Variants in LRFN2 observed in about 807,000 individuals in gnomAD.
LRFN2 encodes leucine rich repeat and fibronectin type III domain containing 2, also known as leucine-rich repeat and fibronectin type-III domain-containing protein 2.
A neutral mutation model predicts 37.3 loss-of-function variants in LRFN2; 18 were observed. That is an observed-to-expected ratio of 0.48 (90% CI 0.33 to 0.72). The LOEUF (loss-of-function observed/expected upper bound fraction) is 0.72, where lower values mean the gene tolerates loss of function less well. Ranked by LOEUF, LRFN2 falls within the 30% of genes least tolerant of loss-of-function variation. LRFN2 has a pLI of 0.02. For missense variants in LRFN2, 1,006 were observed against 1,060.7 expected (o/e 0.95, Z 0.72); for synonymous variants, 556 against 466.6 (o/e 1.19, Z -2.47).
At chr6:40,415,748 C>T (rs778402907) in intron 2 of LRFN2, among the ~76,000 whole-genome samples, 1 of 152,230 alleles carries the variant, frequency 6.6e-6, no homozygotes, top group Non-Finnish European at 1.5e-5. Context: ...TGTAGCTGCC[C>T]TTCCCATGTG....
chr6:40,414,278 A>G (rs889547711), intron 2 of LRFN2, among the ~76,000 whole-genome samples: 5 of 152,108 alleles, frequency 3.3e-5, no homozygotes, highest in Non-Finnish European at 7.4e-5. Flanking sequence ...GCTGAGCACT[A>G]TTGAGGCCTC....
At chr6:40,425,121 C>T (rs1763321895) in intron 2 of LRFN2, among the ~76,000 whole-genome samples, 1 of 152,186 alleles carries the variant, frequency 6.6e-6, no homozygotes, top group Admixed American at 6.5e-5. Context: ...GTCCAGTCTC[C>T]CAGGACAGGA....
chr6:40,518,762 A>T (rs1159362404), intron 1 of LRFN2, among the ~76,000 whole-genome samples: 1 of 152,220 alleles, frequency 6.6e-6, no homozygotes, highest in Non-Finnish European at 1.5e-5. Flanking sequence ...CACTAGGGGC[A>T]TGAAAATGAA....
At chr6:40,571,577 T>G (rs1196303627) in intron 1 of LRFN2, among the ~76,000 whole-genome samples, 1 of 152,128 alleles carries the variant, frequency 6.6e-6, no homozygotes, top group Non-Finnish European at 1.5e-5. Flanking sequence ...ACCTCGAGAT[T>G]CCAGGTGGCG....
chr6:40,418,137 C>T (rs1258525883), intron 2 of LRFN2, among the ~76,000 whole-genome samples: 3 of 152,176 alleles, frequency 2.0e-5, no homozygotes, highest in African/African-American at 7.2e-5. Context: ...TCATTCACTG[C>T]CACTCTTCCT....
chr6:40,462,325 A>G (rs1764365683), intron 1 of LRFN2, among the ~76,000 whole-genome samples: 1 of 152,158 alleles, frequency 6.6e-6, no homozygotes, highest in Non-Finnish European at 1.5e-5. Flanking sequence ...AAATGAAGCT[A>G]CACAAGTCCC....
chr6:40,489,064 T>C (rs1254652475), intron 1 of LRFN2, among the ~76,000 whole-genome samples: 3 of 152,096 alleles, frequency 2.0e-5, no homozygotes, highest in Non-Finnish European at 2.9e-5. Flanking sequence ...CTACAGATAT[T>C]TACCAAACAC....
At chr6:40,407,148 C>G (rs1458696582) in intron 2 of LRFN2, among the ~76,000 whole-genome samples, 1 of 152,222 alleles carries the variant, frequency 6.6e-6, no homozygotes, top group African/African-American at 2.4e-5. Context: ...CCCAGGCAAG[C>G]TCTTGAGCCC....
At chr6:40,568,336 T>C (rs1767126440) in intron 1 of LRFN2, among the ~76,000 whole-genome samples, 1 of 152,198 alleles carries the variant, frequency 6.6e-6, no homozygotes, top group African/African-American at 2.4e-5. Context: ...TGAGTTGGCA[T>C]GCAGGCCTGG....
chr6:40,541,000 G>A (rs535456848), intron 1 of LRFN2, among the ~76,000 whole-genome samples: 1 of 152,344 alleles, frequency 6.6e-6, no homozygotes, highest in South Asian at 2.1e-4. Flanking sequence ...GAGCTATGCT[G>A]TTATGCTGTG....
chr6:40,445,695 T>C (rs779647714), intron 1 of LRFN2, among the ~76,000 whole-genome samples: 98 of 152,150 alleles, frequency 6.4e-4, no homozygotes, highest in Non-Finnish European at 9.9e-4. Flanking sequence ...GCTTAAGAAA[T>C]TGACTTACTG....
chr6:40,465,582 TATTA>T (rs761178642), intron 1 of LRFN2, among the ~76,000 whole-genome samples: 5 of 152,142 alleles, frequency 3.3e-5, no homozygotes, highest in Non-Finnish European at 7.4e-5. Flanking sequence ...CAACATAAGA[TATTA>T]ATTAATTGGA....
Position 40,577,774 on chromosome 6 carries a change from A to T in LRFN2, c.-19+9167T>A, listed in dbSNP as rs78340518. Among the ~76,000 whole-genome samples, 62 of 88,046 alleles carry T rather than the reference A, an allele frequency of 7.0e-4. No individual in the cohort carries two copies. In the East Asian group the frequency reaches 8.7e-3, roughly 12 times the overall value. 57.8% of individuals were successfully genotyped at this position (88,046 alleles called of 152,430 possible). A position where few individuals can be genotyped will look rare whatever the true frequency, so the allele number is the denominator to read the frequency against. Reference sequence around the variant, plus strand: ...TGTACCCTAAAACTTAAAGTATAATAAAAAAAAAAGGAAAAAATAAATAAA... The same window carrying T: ...TGTACCCTAAAACTTAAAGTATAATTAAAAAAAAAGGAAAAAATAAATAAA... On this transcript the variant is annotated intron_variant, in intron 1 of 2. Coordinates refer to ENST00000338305, the MANE Select transcript of LRFN2 (RefSeq NM_020737.3).
intron 2 of LRFN2, among the ~76,000 whole-genome samples, chr6:40,412,805 C>T (rs1274738477): frequency 2.6e-5 from 4 of 152,082 alleles, no homozygotes; most frequent in African/African-American, 9.7e-5. Flanking sequence ...ACAGTAAACA[C>T]AATTGGTAAC....
At chr6:40,464,238 A>G (rs1764409742) in intron 1 of LRFN2, among the ~76,000 whole-genome samples, 1 of 152,212 alleles carries the variant, frequency 6.6e-6, no homozygotes, top group African/African-American at 2.4e-5. Flanking sequence ...GGTGCAAAAC[A>G]TGGCCTAACC....
At chr6:40,520,258 A>G (rs1288855861) in intron 1 of LRFN2, among the ~76,000 whole-genome samples, 1 of 152,124 alleles carries the variant, frequency 6.6e-6, no homozygotes. Flanking sequence ...GGCGTACGGC[A>G]GTGATGAAGG....
At chr6:40,528,724 T>C (rs1008318828) in intron 1 of LRFN2, among the ~76,000 whole-genome samples, 15 of 152,198 alleles carry the variant, frequency 9.9e-5, no homozygotes, top group African/African-American at 3.6e-4. Context: ...CTAATTGCCT[T>C]CGCATCATTG....
chr6:40,498,770 G>T (rs936305865), intron 1 of LRFN2, among the ~76,000 whole-genome samples: 6 of 152,152 alleles, frequency 3.9e-5, no homozygotes, highest in Middle Eastern at 3.2e-3. Context: ...ACATTCTGGG[G>T]CACCATCCAC....
At chr6:40,582,288 G>A (rs1159795390) in intron 1 of LRFN2, among the ~76,000 whole-genome samples, 2 of 151,950 alleles carry the variant, frequency 1.3e-5, no homozygotes, top group Admixed American at 6.6e-5. Context: ...CTTAGCTCCT[G>A]CTGGTGGGTG....
Sources: gnomAD v4.1 joint callset for allele counts (sites outside exome capture counted in the v4.1 genomes callset) on GRCh38, gnomAD v4.1.1 for gene constraint, MANE v1.5 for transcripts, NCBI Gene and HGNC (gene_info 2026-07-23, HGNC 2026-07-21) for gene names.